Variants in DNAH11 observed in about 807,000 individuals in gnomAD.
DNAH11 encodes the protein dynein axonemal heavy chain 11, also known as axonemal beta dynein heavy chain 11.
DNAH11 carries 442 observed loss-of-function variants against 526.0 expected under a neutral mutation model. The observed-to-expected ratio is 0.84, with a 90% confidence interval of 0.78 to 0.91. The LOEUF is 0.91. Among genes scored for constraint, DNAH11 ranks in the 40% least tolerant of loss-of-function variants. DNAH11 has a pLI of 0.00. For missense variants in DNAH11, 6,989 were observed against 5,448.7 expected, an observed-to-expected ratio of 1.28 and a Z score of -8.90; for synonymous variants, 2,461 against 1,935.9, an observed-to-expected ratio of 1.27 and a Z score of -7.12.
chr7:21,869,407 C>T (rs1783414018), intron 73 of DNAH11, among the ~76,000 whole-genome samples: 1 of 151,826 alleles, frequency 6.6e-6, no homozygotes, highest in Non-Finnish European at 1.5e-5. Context: ...CTTAGCATAG[C>T]TAAAACCAGG....
intron 6 of DNAH11, among the ~76,000 whole-genome samples, chr7:21,568,377 G>A (rs1230371057): frequency 6.6e-6 from 1 of 152,094 alleles, no homozygotes; most frequent in Non-Finnish European, 1.5e-5. Flanking sequence ...AGCTAAAAGG[G>A]ATTTTGAAGT....
intron 44 of DNAH11, among the ~76,000 whole-genome samples, chr7:21,725,292 A>G (rs1214607812): frequency 6.6e-6 from 1 of 152,224 alleles, no homozygotes; most frequent in Non-Finnish European, 1.5e-5. Context: ...CCAGAGATCA[A>G]CAGAGTTTCA....
Position 21,601,001 on chromosome 7 carries a change from T to A in DNAH11, c.3256-9T>A. 3.7e-6 allele frequency: 6 copies of A among 1,610,326 alleles called. No homozygotes were observed. Among genetic ancestry groups the A allele is most frequent in the Non-Finnish European group, 5.1e-6 (6 of 1,179,162 alleles). On this transcript the variant is annotated splice_polypyrimidine_tract_variant and intron_variant, in intron 16 of 81. Transcript: ENST00000409508. Reference sequence around the variant, plus strand: ...TGAGTTGTTCTAATTAATCTTTTTCTCACTACAGATTGACATTTATGAAGC... The same window carrying A: ...TGAGTTGTTCTAATTAATCTTTTTCACACTACAGATTGACATTTATGAAGC...
rs1783827205 is a variant in DNAH11 at position 21,570,130 on chromosome 7, A to C, written c.1256A>C (p.Lys419Thr). The C allele has an allele frequency of 3.7e-6, 6 of 1,613,084 alleles. No individual in the cohort carries two copies. The highest frequency in any genetic ancestry group is 5.1e-6 in the Non-Finnish European group (6 of 1,179,560). The change falls in exon 7 of 82, where the codon AAG becomes ACG. Residue 419 changes from lysine to threonine, a missense_variant. Transcript: ENST00000409508. ...GGAGAAATAGAAGAGTCACTGGAAA[A>C]GGTGCAGGTGGCTGTTAACATCTTA... ...LRGEIEESLE[K>T]VQVAVNILKT... is the part of the protein sequence containing the mutation.
chr7:21,643,627 T>C (rs1440876700), intron 28 of DNAH11, among the ~76,000 whole-genome samples: 1 of 152,212 alleles, frequency 6.6e-6, no homozygotes, highest in African/African-American at 2.4e-5. Flanking sequence ...CAAAAATTGA[T>C]ATTTGATTCA....
chr7:21,605,109 A>C (rs1785232501), intron 18 of DNAH11, among the ~76,000 whole-genome samples: 1 of 152,196 alleles, frequency 6.6e-6, no homozygotes. Context: ...TTATAAAACA[A>C]TTTGAGAGAA....
At chr7:21,769,283 C>A (rs1787319187) in intron 55 of DNAH11, among the ~76,000 whole-genome samples, 1 of 152,280 alleles carries the variant, frequency 6.6e-6, no homozygotes, top group Admixed American at 6.5e-5. Context: ...AGGGTCCAGA[C>A]TTTGTAGCTG....
chr7:21,557,056 C>T (rs1184867021), intron 2 of DNAH11, among the ~76,000 whole-genome samples: 1 of 147,920 alleles, frequency 6.8e-6, no homozygotes, highest in Non-Finnish European at 1.5e-5. Flanking sequence ...AAGTGAGACT[C>T]TGTCTCAAAA....
intron 62 of DNAH11, among the ~76,000 whole-genome samples, chr7:21,807,483 A>C (rs1468483266): frequency 1.3e-5 from 2 of 152,212 alleles, no homozygotes; most frequent in Admixed American, 1.3e-4. Context: ...CGGGTGATAG[A>C]GCCAGACCCT....
chr7:21,763,811 TAC>T (rs1348816952), intron 54 of DNAH11, among the ~76,000 whole-genome samples: 11 of 148,914 alleles, frequency 7.4e-5, no homozygotes, highest in South Asian at 4.3e-4. Flanking sequence ...CATATACATA[TAC>T]ATATATATAC....
chr7:21,863,408 C>G (rs1020267503), intron 69 of DNAH11, among the ~76,000 whole-genome samples: 6 of 152,112 alleles, frequency 3.9e-5, no homozygotes, highest in African/African-American at 1.2e-4. Context: ...GCTTACTACA[C>G]CATTTGCCTC....
intron 36 of DNAH11, among the ~76,000 whole-genome samples, chr7:21,702,174 A>T (rs148816720): frequency 3.0e-3 from 453 of 152,276 alleles, no homozygotes; most frequent in African/African-American, 0.01. Context: ...TTCATTAGGG[A>T]TAACGTTGTA....
chr7:21,732,381 T>A (rs1263487287), intron 45 of DNAH11, among the ~76,000 whole-genome samples: 3 of 152,166 alleles, frequency 2.0e-5, no homozygotes, highest in Non-Finnish European at 4.4e-5. Flanking sequence ...TTTAACTTAA[T>A]CACCTCTTTA....
chr7:21,682,236 T>G (rs1023003425), intron 31 of DNAH11, among the ~76,000 whole-genome samples: 2 of 152,114 alleles, frequency 1.3e-5, no homozygotes, highest in Non-Finnish European at 2.9e-5. Context: ...TATATATCTT[T>G]AAAAAGTCGG....
At chr7:21,828,411 C>T (rs1390775928) in intron 65 of DNAH11, among the ~76,000 whole-genome samples, 1 of 152,128 alleles carries the variant, frequency 6.6e-6, no homozygotes, top group Non-Finnish European at 1.5e-5. Flanking sequence ...ATTTAATTGC[C>T]ACAAATCTGC....
chr7:21,859,637 C>T (rs1223190734), intron 68 of DNAH11, among the ~76,000 whole-genome samples: 1 of 152,084 alleles, frequency 6.6e-6, no homozygotes. Flanking sequence ...ATACATACTT[C>T]AAGGTGAATT....
In DNAH11 at chr7:21,741,832, G is replaced by A. The variant is rs754394476; in HGVS notation, c.7915-95G>A. On this transcript the variant is annotated intron_variant, in intron 48 of 81. Coordinates refer to ENST00000409508, the MANE Select transcript of DNAH11 (RefSeq NM_001277115.2). The stretch of plus-strand genomic sequence containing the variant: ...GCACTAAAAAGCTACATGGTAATGG[G>A]CCTGGATACAGGGAGGAGTGAAAAA... The A allele has an allele frequency of 3.0e-4, 420 of 1,393,362 alleles. 1 individual carries two copies. The highest frequency in any genetic ancestry group is 4.7e-4 in the Admixed American group (22 of 47,174). 86.3% of individuals were successfully genotyped at this position (1,393,362 alleles called of 1,614,324 possible). A position where few individuals can be genotyped will look rare whatever the true frequency, so the allele number is the denominator to read the frequency against.
At chr7:21,632,797 A>G (rs556624412) in intron 25 of DNAH11, among the ~76,000 whole-genome samples, 4 of 151,658 alleles carry the variant, frequency 2.6e-5, no homozygotes, top group Non-Finnish European at 4.4e-5. Flanking sequence ...AACTGTTCCA[A>G]CCTCTGCCTG....
intron 22 of DNAH11, among the ~76,000 whole-genome samples, chr7:21,617,289 T>C (rs529027456): frequency 6.6e-6 from 1 of 152,352 alleles, no homozygotes; most frequent in East Asian, 1.9e-4. Flanking sequence ...AACAGTCTGT[T>C]TCCATTTACT....
Sources: allele counts gnomAD v4.1 joint callset (sites outside exome capture counted in the v4.1 genomes callset), GRCh38; gene constraint gnomAD v4.1.1; transcripts MANE v1.5; gene names NCBI Gene and HGNC (gene_info 2026-07-23, HGNC 2026-07-21).